The following CRY1 variants were observed in gnomAD, a reference collection of about 807,000 sequenced individuals.
CRY1 encodes cryptochrome-1.
In CRY1, 45 loss-of-function variants were observed where a neutral mutation model predicts 76.0. That is an observed-to-expected ratio of 0.59 (90% CI 0.47 to 0.76). The LOEUF (loss-of-function observed/expected upper bound fraction) is 0.76, where lower values mean the gene tolerates loss of function less well. Among genes scored for constraint, CRY1 ranks in the 30% least tolerant of loss-of-function variants. The pLI, the probability that CRY1 is intolerant of heterozygous loss-of-function variation, is 0.00. For missense variants in CRY1, 587 were observed against 716.4 expected (o/e 0.82, Z 2.06); for synonymous variants, 248 against 244.0 (o/e 1.02, Z -0.15).
chr12:107,071,870 T>C (rs1018732156), intron 1 of CRY1, among the ~76,000 whole-genome samples: 1 of 152,110 alleles, frequency 6.6e-6, no homozygotes, highest in African/African-American at 2.4e-5. Flanking sequence ...GCAAATTCAA[T>C]TATCAAACTG....
intron 1 of CRY1, among the ~76,000 whole-genome samples, chr12:107,047,900 A>T (rs1952868712): frequency 2.0e-5 from 3 of 152,224 alleles, no homozygotes; most frequent in Non-Finnish European, 4.4e-5. Context: ...AGAGAAAAAA[A>T]CCAATCAAGG....
At chr12:107,001,188 A>T in intron 5 of CRY1, 92 bp downstream of exon 5, 1 of 931,176 alleles carries the variant, frequency 1.1e-6, no homozygotes, top group Non-Finnish European at 1.6e-6. Flanking sequence ...CCCTTTCAAC[A>T]ATCTATTTGT....
intron 1 of CRY1, among the ~76,000 whole-genome samples, chr12:107,078,765 C>G (rs979139342): frequency 6.6e-6 from 1 of 152,104 alleles, no homozygotes; most frequent in South Asian, 2.1e-4. Flanking sequence ...TTCTGTGTTT[C>G]CTAACTTAAT....
chr12:107,045,899 T>C (rs1409562731), intron 1 of CRY1, among the ~76,000 whole-genome samples: 1 of 152,142 alleles, frequency 6.6e-6, no homozygotes, highest in East Asian at 1.9e-4. Flanking sequence ...ACATGGCACA[T>C]GTATACATAT....
chr12:106,997,165 T>C (rs1049136262), intron 10 of CRY1, 129 bp downstream of exon 10: 51 of 818,374 alleles, frequency 6.2e-5, no homozygotes, highest in South Asian at 5.2e-4. Flanking sequence ...TATGCATGCA[T>C]ACAAAGAATC....
In CRY1 at chr12:107,092,935, G is replaced by A. The variant is rs760589136; in HGVS notation, c.27C>T (p.Phe9=). The A allele has an allele frequency of 6.3e-7, 1 of 1,598,420 alleles. No individual in the cohort carries two copies. Among genetic ancestry groups the A allele is most frequent in the South Asian group, 1.1e-5 (1 of 88,790 alleles). The part of the protein sequence containing the change: MGVNAVHW[F]RKGLRLHDNP... ...TGTCGTGGAGCCGGAGCCCCTTTCG[G>A]AACCAGTGCACGGCGTTCACCCCCA... Residue 9 remains phenylalanine (F), a synonymous_variant, in exon 1 of 13, where the codon TTC becomes TTT. Transcript: ENST00000008527.
Position 106,992,823 on chromosome 12 carries a change from A to T in CRY1, c.1725T>A (p.Ser575Arg). ...KRPSQEEDTQSIGPKVQRQST... is the reference protein window; with the variant it reads ...KRPSQEEDTQRIGPKVQRQST... ...TCTGTCTCTGGACTTTAGGACCAATACTCTGTGTGTCCTCTTCCTGACTAG... is the reference window on the plus strand; with the variant it reads ...TCTGTCTCTGGACTTTAGGACCAATTCTCTGTGTGTCCTCTTCCTGACTAG... The change falls in exon 12 of 13, where the codon AGT becomes AGA. Residue 575 changes from serine (S) to arginine (R), a missense_variant. Coordinates refer to ENST00000008527, the MANE Select transcript of CRY1 (RefSeq NM_004075.5). 1.2e-6 allele frequency: 2 copies of T among 1,613,930 alleles called. No individual in the cohort carries two copies. Among genetic ancestry groups the T allele is most frequent in the Non-Finnish European group, 1.7e-6 (2 of 1,179,906 alleles).
chr12:107,013,256 T>TCAGCAACCAC (rs1952464299), intron 2 of CRY1, among the ~76,000 whole-genome samples: 2 of 152,244 alleles, frequency 1.3e-5, no homozygotes, highest in South Asian at 4.1e-4. Flanking sequence ...ACCACAACCA[T>TCAGCAACCAC]CAGCAACCAC....
chr12:107,008,632 G>GT (rs1203511311), intron 2 of CRY1, among the ~76,000 whole-genome samples: 2 of 152,088 alleles, frequency 1.3e-5, no homozygotes, highest in Non-Finnish European at 2.9e-5. Context: ...AAGATTTTAT[G>GT]TTTTTTTGTA....
intron 2 of CRY1, among the ~76,000 whole-genome samples, chr12:107,007,307 T>A (rs1049744147): frequency 6.6e-5 from 10 of 152,140 alleles, no homozygotes; most frequent in African/African-American, 2.4e-4. Context: ...TGCTAAACTC[T>A]CCATGCCTGT....
At chr12:107,048,079 C>A (rs1952870251) in intron 1 of CRY1, among the ~76,000 whole-genome samples, 3 of 108,072 alleles carry the variant, frequency 2.8e-5, no homozygotes. Context: ...ATGCTAGTAT[C>A]CATTCAGATT....
Position 106,999,945 on chromosome 12 carries a change from T to A in CRY1, c.822A>T (p.Lys274Asn). 2 of 1,599,498 alleles carry A rather than the reference T, an allele frequency of 1.3e-6. No individual in the cohort carries two copies. Among genetic ancestry groups the A allele is most frequent in the Non-Finnish European group, 1.7e-6 (2 of 1,176,486 alleles). Residue 274 changes from lysine (K) to asparagine (N), a missense_variant, in exon 6 of 13, where the codon AAA becomes AAT. By Grantham distance (94) the Lys-to-Asn change is moderately conservative. Transcript: ENST00000008527. ...AAGCTCTAATTTTAGAGAATACCTT[T>A]TTGTAGAGATCTGTTAGTTTGAAGT... The part of the protein sequence containing the change: ...LFYFKLTDLY[K>N]KVKKNSSPPL...
At chr12:107,017,730 G>C (rs1317707602) in intron 2 of CRY1, among the ~76,000 whole-genome samples, 2 of 152,150 alleles carry the variant, frequency 1.3e-5, no homozygotes, top group Non-Finnish European at 2.9e-5. Flanking sequence ...AGATTCAATG[G>C]GGTAAGGAAA....
At chr12:107,014,231 T>A (rs1311946030) in intron 2 of CRY1, among the ~76,000 whole-genome samples, 4 of 152,184 alleles carry the variant, frequency 2.6e-5, no homozygotes, top group Non-Finnish European at 5.9e-5. Flanking sequence ...AGGTATGGGC[T>A]AACCAGGTTA....
At chr12:107,040,133 G>A (rs1952780728) in intron 1 of CRY1, among the ~76,000 whole-genome samples, 1 of 152,016 alleles carries the variant, frequency 6.6e-6, no homozygotes, top group South Asian at 2.1e-4. Context: ...ATTTATATGA[G>A]GTATATAAAC....
At chr12:107,064,158 T>G (rs1357703983) in intron 1 of CRY1, among the ~76,000 whole-genome samples, 1 of 152,152 alleles carries the variant, frequency 6.6e-6, no homozygotes, top group Non-Finnish European at 1.5e-5. Flanking sequence ...AGCAGAAAAT[T>G]CTGTCATTTG....
intron 1 of CRY1, among the ~76,000 whole-genome samples, chr12:107,077,407 C>T (rs1295511927): frequency 6.6e-6 from 1 of 152,194 alleles, no homozygotes; most frequent in Non-Finnish European, 1.5e-5. Flanking sequence ...CAGGCTCTCA[C>T]TGAATGTTTT....
intron 1 of CRY1, among the ~76,000 whole-genome samples, chr12:107,059,376 T>C (rs1407409548): frequency 6.6e-6 from 1 of 152,100 alleles, no homozygotes. Context: ...CTCAGCCTCC[T>C]GAGTACTGAA....
At chr12:107,038,948 G>T (rs1182682014) in intron 1 of CRY1, among the ~76,000 whole-genome samples, 1 of 152,110 alleles carries the variant, frequency 6.6e-6, no homozygotes, top group Non-Finnish European at 1.5e-5. Flanking sequence ...CTGCCCAAGA[G>T]ACTAGCATCT....
Sources: allele counts gnomAD v4.1 joint callset (sites outside exome capture counted in the v4.1 genomes callset), GRCh38; gene constraint gnomAD v4.1.1; transcripts MANE v1.5; gene names NCBI Gene and HGNC (gene_info 2026-07-23, HGNC 2026-07-21).